Variants in FANCC observed in about 807,000 individuals in gnomAD.
FANCC encodes Fanconi anemia group C protein.
FANCC carries 55 observed loss-of-function variants against 71.3 expected under a neutral mutation model. That is an observed-to-expected ratio of 0.77 (90% CI 0.62 to 0.97). FANCC has a LOEUF of 0.97. Ranked by LOEUF, FANCC falls within the 50% of genes least tolerant of loss-of-function variation. FANCC has a pLI of 0.00. For synonymous variants in FANCC, 275 were observed against 244.9 expected (o/e 1.12, Z -1.15); for missense variants, 678 against 670.9 (o/e 1.01, Z -0.12).
At chr9:95,190,805 G>A (rs187001364) in intron 4 of FANCC, among the ~76,000 whole-genome samples, 1 of 152,184 alleles carries the variant, frequency 6.6e-6, no homozygotes, top group South Asian at 2.1e-4. Context: ...CCCATTTTTA[G>A]ACACTGGAGA....
Position 95,099,937 on chromosome 9 carries a change from C to T in FANCC, c.*1770G>A, listed in dbSNP as rs1458161856. The T allele has an allele frequency of 4.3e-6, 1 of 232,720 alleles. No individual in the cohort carries two copies. The highest frequency in any genetic ancestry group is 8.5e-6 in the Non-Finnish European group (1 of 117,712). The allele number at this position is 232,720 out of a possible 1,614,324, so 14.4% of individuals were successfully genotyped here. A position where few individuals can be genotyped will look rare whatever the true frequency, so the allele number is the denominator to read the frequency against. On this transcript the variant is annotated 3_prime_UTR_variant, in exon 15 of 15. Transcript: ENST00000289081. Reference sequence around the variant, plus strand: ...AAGAGGCCAACCCTGTACACAGGACCACAGGACAGGGTGGAGGACTGTCCC... The same window carrying T: ...AAGAGGCCAACCCTGTACACAGGACTACAGGACAGGGTGGAGGACTGTCCC...
At chr9:95,256,124 T>C (rs542697315) in intron 1 of FANCC, among the ~76,000 whole-genome samples, 12 of 152,246 alleles carry the variant, frequency 7.9e-5, no homozygotes, top group Admixed American at 6.5e-4. Flanking sequence ...CTCTTCAGGG[T>C]ATCATCCAGG....
chr9:95,265,619 G>A (rs947672758), intron 1 of FANCC, among the ~76,000 whole-genome samples: 12 of 152,070 alleles, frequency 7.9e-5, no homozygotes. Flanking sequence ...TTGGGTTTTG[G>A]TTAGACCAGT....
chr9:95,134,623 A>G (rs1827387608), intron 8 of FANCC, among the ~76,000 whole-genome samples: 1 of 152,252 alleles, frequency 6.6e-6, no homozygotes, highest in Non-Finnish European at 1.5e-5. Context: ...AGGTTTCTGA[A>G]TCATTTTTTC....
At chr9:95,149,894 C>T in intron 7 of FANCC, 29 bp downstream of exon 7, 4 of 1,573,946 alleles carry the variant, frequency 2.5e-6, no homozygotes. Context: ...AAAAACGACG[C>T]AGGATGACAG....
intron 4 of FANCC, among the ~76,000 whole-genome samples, chr9:95,183,214 T>C: frequency 6.6e-6 from 1 of 152,248 alleles, no homozygotes; most frequent in East Asian, 1.9e-4. Flanking sequence ...TTCTAGTTCT[T>C]GACTGGGCAA....
chr9:95,113,487 T>TAACA (rs532643741), intron 12 of FANCC, among the ~76,000 whole-genome samples: 1 of 152,058 alleles, frequency 6.6e-6, no homozygotes, highest in South Asian at 2.1e-4. Flanking sequence ...AGAGGGTACC[T>TAACA]AACACTACTG....
At position 95,110,251 on chromosome 9, in the gene FANCC, C is replaced by A. The variant is rs905845063; in HGVS notation, c.1329+1212G>T. On this transcript the variant is annotated intron_variant, in intron 13 of 14. Transcript: ENST00000289081. ...TTAAGTGTTATTGAATAATTTATTT[C>A]TTTATACTTCAAAAGTGATTCTCTG... 2.7e-5 allele frequency: 27 copies of A among 1,007,394 alleles called. 1 individual carries two copies. The African/African-American group carries it at 4.3e-4, about 16-fold the overall frequency. 62.4% of individuals were successfully genotyped at this position (1,007,394 alleles called of 1,614,324 possible).
intron 1 of FANCC, among the ~76,000 whole-genome samples, chr9:95,282,590 C>CA (rs1441997183): frequency 6.6e-6 from 1 of 152,128 alleles, no homozygotes; most frequent in Non-Finnish European, 1.5e-5. Context: ...ATGGACCTAA[C>CA]AAACATTTAC....
intron 4 of FANCC, among the ~76,000 whole-genome samples, chr9:95,192,460 A>C (rs1199229275): frequency 6.6e-6 from 1 of 152,170 alleles, no homozygotes. Flanking sequence ...TAGCTTTTTA[A>C]ATGTTTCTTA....
intron 6 of FANCC, among the ~76,000 whole-genome samples, chr9:95,166,406 C>G (rs1271133454): frequency 6.6e-6 from 1 of 151,874 alleles, no homozygotes; most frequent in Non-Finnish European, 1.5e-5. Flanking sequence ...CTTGTTGTTA[C>G]CATGGGCATT....
chr9:95,124,449 C>A (rs1043437128), intron 10 of FANCC, among the ~76,000 whole-genome samples: 2 of 152,192 alleles, frequency 1.3e-5, no homozygotes. Flanking sequence ...TGTTGCCCAG[C>A]CTCTGCTGCT....
At chr9:95,217,295 G>A (rs551490218) in intron 4 of FANCC, among the ~76,000 whole-genome samples, 2 of 151,956 alleles carry the variant, frequency 1.3e-5, no homozygotes, top group Non-Finnish European at 2.9e-5. Flanking sequence ...ACCATCCTGC[G>A]TAACATGGTG....
chr9:95,182,499 GAT>G (rs1195082274), intron 4 of FANCC, among the ~76,000 whole-genome samples: 16 of 152,190 alleles, frequency 1.1e-4, no homozygotes, highest in Non-Finnish European at 2.9e-5. Flanking sequence ...CAGCCTGGGA[GAT>G]AGAGAAAGAC....
intron 6 of FANCC, among the ~76,000 whole-genome samples, chr9:95,157,462 T>G (rs979809681): frequency 6.6e-6 from 1 of 152,240 alleles, no homozygotes. Context: ...AGCAACATTC[T>G]GAGCATCGTC....
chr9:95,138,817 C>T (rs781370899), intron 7 of FANCC, among the ~76,000 whole-genome samples: 1 of 152,230 alleles, frequency 6.6e-6, no homozygotes, highest in Non-Finnish European at 1.5e-5. Context: ...AGCATAGTCA[C>T]TCAAGCACAC....
chr9:95,106,980 G>T, intron 14 of FANCC, 86 bp downstream of exon 14: 2 of 1,305,276 alleles, frequency 1.5e-6, no homozygotes, highest in Non-Finnish European at 2.2e-6. Flanking sequence ...CACACACTGT[G>T]CAGAGGCCAG....
intron 4 of FANCC, among the ~76,000 whole-genome samples, chr9:95,221,568 A>G (rs951403593): frequency 2.6e-5 from 4 of 152,216 alleles, no homozygotes; most frequent in Non-Finnish European, 5.9e-5. Flanking sequence ...ACTTTTGAGT[A>G]TACAATTAAG....
chr9:95,105,149 T>C (rs948286631), intron 14 of FANCC, among the ~76,000 whole-genome samples: 1 of 152,214 alleles, frequency 6.6e-6, no homozygotes, highest in Non-Finnish European at 1.5e-5. Flanking sequence ...GGATTCGTCT[T>C]AGCTGAGACA....
Sources: gnomAD v4.1 joint callset for allele counts (sites outside exome capture counted in the v4.1 genomes callset) on GRCh38, gnomAD v4.1.1 for gene constraint, MANE v1.5 for transcripts, NCBI Gene and HGNC (gene_info 2026-07-23, HGNC 2026-07-21) for gene names.